Variants in GSAP observed in about 807,000 individuals in gnomAD.
GSAP encodes gamma-secretase activating protein.
GSAP carries 118 observed loss-of-function variants against 131.7 expected under a neutral mutation model. The observed-to-expected ratio is 0.90, with a 90% CI of 0.77 to 1.04. The LOEUF is 1.04. Among genes scored for constraint, GSAP ranks in the 50% least tolerant of loss-of-function variants. The pLI is 0.00. For missense variants in GSAP, 1,019 were observed against 1,013.2 expected (o/e 1.01, Z -0.08); for synonymous variants, 381 against 363.4 (o/e 1.05, Z -0.55).
intron 6 of GSAP, 87 bp downstream of exon 6, chr7:77,387,273 G>A: frequency 1.4e-6 from 1 of 733,704 alleles, no homozygotes; most frequent in Non-Finnish European, 2.5e-6. Context: ...AAATATGATA[G>A]AGTGAAAGTA....
chr7:77,341,883 C>A (rs565536906), intron 19 of GSAP, among the ~76,000 whole-genome samples: 1 of 152,330 alleles, frequency 6.6e-6, no homozygotes, highest in African/African-American at 2.4e-5. Flanking sequence ...AAACCCCAGC[C>A]ACATCTCCAG....
At chr7:77,329,207 TG>T (rs1253527401) in intron 21 of GSAP, 125 bp downstream of exon 21, 1 of 516,694 alleles carries the variant, frequency 1.9e-6, no homozygotes, top group Non-Finnish European at 3.4e-6. Context: ...TTCATGAAGC[TG>T]ACAATATTAT....
At chr7:77,356,246 T>C (rs1477758489) in intron 14 of GSAP, among the ~76,000 whole-genome samples, 1 of 152,252 alleles carries the variant, frequency 6.6e-6, no homozygotes, top group East Asian at 1.9e-4. Context: ...GCTATGGTTA[T>C]CTTAATTTAT....
intron 12 of GSAP, among the ~76,000 whole-genome samples, chr7:77,367,467 G>T (rs1795492912): frequency 6.6e-6 from 1 of 152,144 alleles, no homozygotes. Flanking sequence ...GATAAATGTG[G>T]TTTTTGTCTT....
intron 3 of GSAP, among the ~76,000 whole-genome samples, chr7:77,400,053 G>C (rs10231199): frequency 0.12 from 18,727 of 152,068 alleles, 1,658 homozygotes; most frequent in East Asian, 0.41. Context: ...ACCACCCTAA[G>C]TCCAGCCAAA....
chr7:77,322,298 G>C (rs1043699599), intron 24 of GSAP, among the ~76,000 whole-genome samples: 2 of 152,178 alleles, frequency 1.3e-5, no homozygotes, highest in Non-Finnish European at 2.9e-5. Flanking sequence ...GGAGCAGAAG[G>C]CATGACTAGT....
At chr7:77,406,247 T>G in intron 1 of GSAP, 142 bp from the exon 2 acceptor site, 1 of 364,618 alleles carries the variant, frequency 2.7e-6, no homozygotes, top group Non-Finnish European at 4.2e-6. Flanking sequence ...AACGAATCTC[T>G]TTTATTAGAA....
Position 77,330,351 on chromosome 7 carries a change from C to A in GSAP, c.1562G>T (p.Gly521Val), listed in dbSNP as rs769682580. 13 of 1,613,394 alleles carry A rather than the reference C, an allele frequency of 8.1e-6. No individual in the cohort carries two copies. Among genetic ancestry groups the A allele is most frequent in the Admixed American group, 3.3e-5 (2 of 59,942 alleles). ...LPLMKVLSFK[G>V]YWEKLNSNLE... ...GTTGGAGTTCAGTTTTTCCCAGTAG[C>A]CCTTAAAGCTGAGCACCTGTAGGAG... Residue 521 changes from glycine (G) to valine (V), a missense_variant, in exon 20 of 31, where the codon GGC becomes GTC. By Grantham distance (109) the Gly-to-Val change is moderately radical. Coordinates refer to ENST00000257626, the MANE Select transcript of GSAP (RefSeq NM_017439.4).
Position 77,311,917 on chromosome 7 carries a change from C to G in GSAP, c.2397G>C (p.Lys799Asn). The change falls in exon 30 of 31, where the codon AAG (lysine) becomes AAC (asparagine). Residue 799 changes from lysine (K) to asparagine (N), a missense_variant. By Grantham distance (94) the Lys-to-Asn change is moderately conservative. Coordinates refer to ENST00000257626, the MANE Select transcript of GSAP (RefSeq NM_017439.4). ...KKQPRNSMIN[K>N]SSFSVEFLPL... ...GCAGAAATTCTACACTGAACGATGA[C>G]TTGTTAATCATAGAATTCCGAGGCT... 2 of 1,597,918 alleles carry G rather than the reference C, an allele frequency of 1.3e-6. No individual in the cohort carries two copies. Among genetic ancestry groups the G allele is most frequent in the Non-Finnish European group, 1.7e-6 (2 of 1,165,380 alleles).
intron 18 of GSAP, among the ~76,000 whole-genome samples, chr7:77,350,427 TAAAA>T (rs751767423): frequency 1.5e-5 from 2 of 133,654 alleles, no homozygotes; most frequent in Non-Finnish European, 3.3e-5. Flanking sequence ...GTATAATAAT[TAAAA>T]AAAAAAAAAA....
rs920318439 is a variant in GSAP at position 77,328,463 on chromosome 7, C to T, written c.1765+143G>A. 4 of 1,403,356 alleles carry T rather than the reference C, an allele frequency of 2.9e-6. No individual in the cohort carries two copies. In the African/African-American group the frequency reaches 5.9e-5, roughly 21 times the overall value. The allele number at this position is 1,403,356 out of a possible 1,614,324, so 86.9% of individuals were successfully genotyped here. A position where few individuals can be genotyped will look rare whatever the true frequency, so the allele number is the denominator to read the frequency against. The stretch of plus-strand genomic sequence containing the variant: ...ACATGGGAAGAGCCGTGCGGCCACT[C>T]TAACAGCAAGATATTAAAAGGTGCT... On this transcript the variant is annotated intron_variant, in intron 22 of 30. Coordinates refer to ENST00000257626, the MANE Select transcript of GSAP (RefSeq NM_017439.4).
intron 7 of GSAP, 40 bp from the exon 8 acceptor site, chr7:77,381,394 G>A: frequency 1.9e-6 from 2 of 1,047,582 alleles, no homozygotes; most frequent in Non-Finnish European, 2.8e-6. Context: ...TAACCTTAAG[G>A]AAATATATGA....
intron 3 of GSAP, among the ~76,000 whole-genome samples, chr7:77,399,614 C>T (rs1341849079): frequency 6.6e-6 from 1 of 151,914 alleles, no homozygotes; most frequent in Admixed American, 6.6e-5. Flanking sequence ...TTATGCTTAT[C>T]CCATTACTTA....
chr7:77,331,475 T>C (rs1242200340), intron 19 of GSAP, among the ~76,000 whole-genome samples: 1 of 152,186 alleles, frequency 6.6e-6, no homozygotes, highest in Non-Finnish European at 1.5e-5. Flanking sequence ...AGTGAACTAT[T>C]GCCTGCCAAG....
At chr7:77,312,952 C>T (rs1005025877) in intron 28 of GSAP, among the ~76,000 whole-genome samples, 1 of 152,158 alleles carries the variant, frequency 6.6e-6, no homozygotes, top group Non-Finnish European at 1.5e-5. Context: ...CCTTGTGTTT[C>T]TCATTCTTCT....
At position 77,347,151 on chromosome 7, in the gene GSAP, C is replaced by A. The variant is rs538938170; in HGVS notation, c.1545+2200G>T. On this transcript the variant is annotated intron_variant, in intron 19 of 30. Transcript: ENST00000257626. ...GAAGCTCCACGTCCCTTCCCCCATA[C>A]CCCACTCTATGCGTCTCTTCATCTG... Among the ~76,000 whole-genome samples the A allele has an allele frequency of 1.2e-3, 181 of 152,250 alleles. 1 individual carries two copies. The highest frequency in any genetic ancestry group is 0.011 in the South Asian group (52 of 4,822).
intron 6 of GSAP, among the ~76,000 whole-genome samples, chr7:77,386,493 G>T (rs924315334): frequency 1.3e-5 from 2 of 152,168 alleles, no homozygotes; most frequent in African/African-American, 4.8e-5. Flanking sequence ...CAACAGATCA[G>T]TATATAATTT....
At chr7:77,385,352 C>T (rs1265798177) in intron 6 of GSAP, among the ~76,000 whole-genome samples, 1 of 152,126 alleles carries the variant, frequency 6.6e-6, no homozygotes, top group Non-Finnish European at 1.5e-5. Context: ...CTTTTTAAAA[C>T]TGAGTTCACA....
chr7:77,352,906 GATTTT>G (rs753592996), intron 18 of GSAP, 33 bp downstream of exon 18: 1 of 1,184,730 alleles, frequency 8.4e-7, no homozygotes, highest in Non-Finnish European at 1.3e-6. Context: ...ACTGTGAATT[GATTTT>G]ATTTGCATAC....
Sources: gnomAD v4.1 joint callset for allele counts (sites outside exome capture counted in the v4.1 genomes callset) on GRCh38, gnomAD v4.1.1 for gene constraint, MANE v1.5 for transcripts, NCBI Gene and HGNC (gene_info 2026-07-23, HGNC 2026-07-21) for gene names.